The following HTD2 variants were observed in gnomAD, a reference collection of about 807,000 sequenced individuals.
HTD2 encodes the protein hydroxyacyl-thioester dehydratase type 2.
Under a neutral mutation model 3.1 loss-of-function variants are expected in HTD2, and 1 was observed. The observed-to-expected ratio is 0.32, with a 90% CI of 0.11 to 1.52. The LOEUF is 1.52. HTD2 is among the 40% of genes most tolerant of loss of function. The probability of loss-of-function intolerance (pLI) is 0.39; values close to 1 mark genes in which losing one functional copy is unlikely to be tolerated. For missense variants in HTD2, 150 were observed against 79.6 expected, an observed-to-expected ratio of 1.88 and a Z score of -3.36; for synonymous variants, 50 against 28.9, an observed-to-expected ratio of 1.73 and a Z score of -2.34.
chr3:58,308,849 C>T (rs1332550131), intron 1 of HTD2, among the ~76,000 whole-genome samples: 1 of 152,092 alleles, frequency 6.6e-6, no homozygotes. Flanking sequence ...TCAGAGAAGA[C>T]CTTCATGAAG....
intron 1 of HTD2, chr3:58,310,301 T>TA (rs751024474): frequency 8.7e-6 from 14 of 1,603,666 alleles, no homozygotes; most frequent in Non-Finnish European, 1.1e-5. Flanking sequence ...CCTCTTGACT[T>TA]ACTGTAGGTG....
At chr3:58,316,486 G>T (rs1575548034) in intron 2 of HTD2, 29 bp from the exon 3 acceptor site, 9 of 1,585,658 alleles carry the variant, frequency 5.7e-6, no homozygotes, top group Non-Finnish European at 6.9e-6. Flanking sequence ...GGTGAGAATA[G>T]CCTGCTAATA....
chr3:58,311,699 G>A (rs2097482422), intron 2 of HTD2, among the ~76,000 whole-genome samples: 1 of 149,200 alleles, frequency 6.7e-6, no homozygotes, highest in Admixed American at 6.7e-5. Context: ...ATATGAGAGT[G>A]CATATGTCCT....
rs2097490434 is a variant in HTD2 at position 58,318,218 on chromosome 3, A to C, written c.*98A>C. The C allele has an allele frequency of 1.7e-6, 1 of 590,538 alleles. No homozygotes were observed. Among genetic ancestry groups the C allele is most frequent in the Non-Finnish European group, 3.0e-6 (1 of 336,100 alleles). The allele number at this position is 590,538 out of a possible 1,614,324, so 36.6% of individuals were successfully genotyped here. The stretch of plus-strand genomic sequence containing the variant: ...TTACCAAAGAATGGTTGATAGGCCC[A>C]GAAGCCCATCTTAGTTAGGGGAAGG... On this transcript the variant is annotated 3_prime_UTR_variant, in exon 5 of 5. Transcript: ENST00000461393.
intron 2 of HTD2, among the ~76,000 whole-genome samples, chr3:58,311,401 C>T (rs186457857): frequency 1.3e-3 from 195 of 152,314 alleles, no homozygotes; most frequent in Non-Finnish European, 2.2e-3. Flanking sequence ...GTGATCCACG[C>T]GCCTTGGGCT....
Position 58,320,053 on chromosome 3 carries a change from C to G in HTD2, c.*1933C>G, listed in dbSNP as rs374535477. The G allele has an allele frequency of 1.2e-4, 19 of 152,114 alleles. No individual in the cohort carries two copies. The East Asian group carries it at 2.3e-3, about 18-fold the overall frequency. 9.4% of individuals were successfully genotyped at this position (152,114 alleles called of 1,614,324 possible). A position where few individuals can be genotyped will look rare whatever the true frequency, so the allele number is the denominator to read the frequency against. Reference sequence around the variant, plus strand: ...ATGGGTTTCCCTGTTCTGGACATTTCATAAAAGTTCATACAATGTATGATC... The same window carrying G: ...ATGGGTTTCCCTGTTCTGGACATTTGATAAAAGTTCATACAATGTATGATC... On this transcript the variant is annotated 3_prime_UTR_variant, in exon 5 of 5. Coordinates refer to ENST00000461393, the MANE Select transcript of HTD2 (RefSeq NM_001348712.2).
chr3:58,315,251 C>T (rs1209548407), intron 2 of HTD2, among the ~76,000 whole-genome samples: 1 of 152,018 alleles, frequency 6.6e-6, no homozygotes, highest in African/African-American at 2.4e-5. Flanking sequence ...AATGAATCTC[C>T]AGAGAATTAT....
At chr3:58,312,897 G>A (rs2097483833) in intron 2 of HTD2, among the ~76,000 whole-genome samples, 1 of 147,162 alleles carries the variant, frequency 6.8e-6, no homozygotes, top group Admixed American at 6.9e-5. Context: ...GGAGGCAGAG[G>A]TTGCAGTGAG....
intron 4 of HTD2, 128 bp from the exon 5 acceptor site, chr3:58,317,312 C>T (rs2097489342): frequency 1.5e-6 from 1 of 654,068 alleles, no homozygotes; most frequent in Non-Finnish European, 2.7e-6. Flanking sequence ...AAGGCTTCCT[C>T]TCAGGATGCT....
intron 1 of HTD2, among the ~76,000 whole-genome samples, chr3:58,308,636 A>C (rs902817001): frequency 3.9e-5 from 6 of 152,116 alleles, no homozygotes; most frequent in African/African-American, 1.4e-4. Flanking sequence ...TTTTCTCCAG[A>C]GGTCATCATC....
At position 58,317,973 on chromosome 3, in the gene HTD2, T is replaced by G. The variant is rs1559796788; in HGVS notation, c.360T>G (p.Ile120Met). 1 of 702,970 alleles carries G rather than the reference T, an allele frequency of 1.4e-6. No individual in the cohort carries two copies. Among genetic ancestry groups the G allele is most frequent in the African/African-American group, 1.7e-5 (1 of 57,360 alleles). The allele number at this position is 702,970 out of a possible 1,614,324, so 43.5% of individuals were successfully genotyped here. A position where few individuals can be genotyped will look rare whatever the true frequency, so the allele number is the denominator to read the frequency against. ...TTAGCTTTCCAGCCCCTTTATATAT[T>G]GGAGAAGTTGTTTTAGCTTCTGCAG... is the stretch of plus-strand genomic sequence containing the variant. ...QEISFPAPLY[I>M]GEVVLASAEV... The change falls in exon 5 of 5, where the codon ATT becomes ATG. Residue 120 changes from isoleucine (I) to methionine (M), a missense_variant. Ile to Met is a conservative substitution (Grantham distance 10). Transcript: ENST00000461393.
At chr3:58,316,702 C>A in intron 3 of HTD2, 111 bp downstream of exon 3, 1 of 1,055,474 alleles carries the variant, frequency 9.5e-7, no homozygotes, top group Non-Finnish European at 1.4e-6. Context: ...CTCTGAGCAG[C>A]TTTTGGGAAT....
intron 2 of HTD2, among the ~76,000 whole-genome samples, chr3:58,311,073 C>T (rs968766668): frequency 6.6e-6 from 1 of 151,822 alleles, no homozygotes; most frequent in Admixed American, 6.6e-5. Flanking sequence ...TCCTCTCTAC[C>T]CTCCTACCCT....
chr3:58,307,283 A>C (rs1438288704), intron 1 of HTD2, among the ~76,000 whole-genome samples: 2 of 152,234 alleles, frequency 1.3e-5, no homozygotes, highest in African/African-American at 2.4e-5. Context: ...GAACCATAGC[A>C]AGATTTTGAG....
chr3:58,314,912 C>G (rs1040366355), intron 2 of HTD2, among the ~76,000 whole-genome samples: 2 of 152,012 alleles, frequency 1.3e-5, no homozygotes, highest in East Asian at 3.9e-4. Flanking sequence ...GTCTCAATCT[C>G]TTGACCTTGT....
At chr3:58,315,179 T>C (rs975667767) in intron 2 of HTD2, among the ~76,000 whole-genome samples, 2 of 152,150 alleles carry the variant, frequency 1.3e-5, no homozygotes, top group African/African-American at 2.4e-5. Flanking sequence ...TAAACTGTGG[T>C]ACATTCCTAC....
intron 4 of HTD2, 83 bp downstream of exon 4, chr3:58,317,076 C>A: frequency 1.0e-6 from 1 of 996,880 alleles, no homozygotes; most frequent in Non-Finnish European, 1.6e-6. Flanking sequence ...CATTTTTGTG[C>A]TTGCATAAAT....
chr3:58,310,394 T>G, intron 1 of HTD2, 113 bp from the exon 2 acceptor site: 1 of 1,614,044 alleles, frequency 6.2e-7, no homozygotes, highest in South Asian at 1.1e-5. Context: ...TACCACTACA[T>G]GAAAGTCTGC....
chr3:58,318,027 T>C lies in HTD2; in HGVS notation c.414T>C (p.Ala138=), dbSNP rs1575549249. The stretch of plus-strand genomic sequence containing the variant: ...TGAAAAAGCTGAAGCGGTTCATTGC[T>C]ATTATTGCAGTGTCATGTTCTGTAA... The part of the protein sequence containing the change: ...AEVKKLKRFI[A]IIAVSCSVIE... The change falls in exon 5 of 5, where the codon GCT becomes GCC. Residue 138 remains alanine, a synonymous_variant. Transcript: ENST00000461393. 2.8e-6 allele frequency: 2 copies of C among 702,778 alleles called. No homozygotes were observed. The highest frequency in any genetic ancestry group is 2.6e-6 in the Non-Finnish European group (1 of 384,944). The allele number at this position is 702,778 out of a possible 1,614,324, so 43.5% of individuals were successfully genotyped here.
Sources: allele counts gnomAD v4.1 joint callset (sites outside exome capture counted in the v4.1 genomes callset), GRCh38; gene constraint gnomAD v4.1.1; transcripts MANE v1.5; gene names NCBI Gene and HGNC (gene_info 2026-07-23, HGNC 2026-07-21).